The following SDHAF3 variants were observed in gnomAD, a reference collection of about 807,000 sequenced individuals.
SDHAF3 encodes the protein succinate dehydrogenase assembly factor 3, mitochondrial.
Under a neutral mutation model 11.5 loss-of-function variants are expected in SDHAF3, and 18 were observed. The observed-to-expected ratio is 1.56, with a 90% CI of 1.08 to 2.32. The LOEUF (loss-of-function observed/expected upper bound fraction) is 2.32, where lower values mean the gene tolerates loss of function less well. Ranked by LOEUF, SDHAF3 falls within the 30% of genes most tolerant of loss-of-function variation. The probability of loss-of-function intolerance (pLI) is 0.00; values close to 1 mark genes in which losing one functional copy is unlikely to be tolerated. For synonymous variants in SDHAF3, 72 were observed against 59.3 expected, an observed-to-expected ratio of 1.21 and a Z score of -0.99; for missense variants, 200 against 154.4, an observed-to-expected ratio of 1.30 and a Z score of -1.57.
chr7:97,118,282 A>C (rs1791440227), intron 1 of SDHAF3, among the ~76,000 whole-genome samples: 1 of 152,164 alleles, frequency 6.6e-6, no homozygotes, highest in African/African-American at 2.4e-5. Context: ...TAGTTTTCAA[A>C]TTTAAAGGCT....
intron 1 of SDHAF3, among the ~76,000 whole-genome samples, chr7:97,179,296 C>T (rs1031470581): frequency 5.9e-5 from 9 of 152,002 alleles, no homozygotes; most frequent in African/African-American, 2.2e-4. Flanking sequence ...ATTTAGAGCT[C>T]CTTAGTTGTC....
intron 1 of SDHAF3, among the ~76,000 whole-genome samples, chr7:97,121,862 T>G (rs533374508): frequency 1.0e-4 from 14 of 138,380 alleles, no homozygotes; most frequent in Admixed American, 2.1e-4. Flanking sequence ...TTGTTTTTTT[T>G]TTTTTTGTTT....
intron 1 of SDHAF3, among the ~76,000 whole-genome samples, chr7:97,169,906 T>G (rs182574967): frequency 4.1e-4 from 62 of 152,318 alleles, no homozygotes; most frequent in African/African-American, 1.3e-3. Flanking sequence ...TTTTGAGTTT[T>G]GTATATTAGC....
chr7:97,122,148 G>A (rs994740822), intron 1 of SDHAF3, among the ~76,000 whole-genome samples: 4 of 152,140 alleles, frequency 2.6e-5, no homozygotes, highest in South Asian at 2.1e-4. Context: ...GAGCCACCGC[G>A]CCCGGCCGAA....
rs1458030651 is a variant in SDHAF3, at chr7:97,136,306, C to G, written c.174+18409C>G. On this transcript the variant is annotated intron_variant, in intron 1 of 1. Coordinates refer to ENST00000432641, the MANE Select transcript of SDHAF3 (RefSeq NM_020186.3). ...AATTAAAAGAGTTCTTTTGTGAATCCTTTTGAAAAGTGAATTATCAACCTG... is the reference window on the plus strand; with the variant it reads ...AATTAAAAGAGTTCTTTTGTGAATCGTTTTGAAAAGTGAATTATCAACCTG... The G allele has an allele frequency of 1.6e-5, 8 of 498,336 alleles. No homozygotes were observed. In the East Asian group the frequency reaches 1.8e-4, roughly 11 times the overall value. 30.9% of individuals were successfully genotyped at this position (498,336 alleles called of 1,614,324 possible).
intron 1 of SDHAF3, among the ~76,000 whole-genome samples, chr7:97,138,534 A>G (rs1788968742): frequency 6.6e-6 from 1 of 152,148 alleles, no homozygotes; most frequent in South Asian, 2.1e-4. Flanking sequence ...ATGAGAGATT[A>G]CATTTTAAAT....
At chr7:97,132,426 T>C (rs958478281) in intron 1 of SDHAF3, among the ~76,000 whole-genome samples, 5 of 152,206 alleles carry the variant, frequency 3.3e-5, no homozygotes, top group African/African-American at 9.6e-5. Flanking sequence ...TCTATAGGGC[T>C]CTAAACTGAG....
chr7:97,144,237 C>G (rs1198574241), intron 1 of SDHAF3, among the ~76,000 whole-genome samples: 1 of 152,000 alleles, frequency 6.6e-6, no homozygotes, highest in Non-Finnish European at 1.5e-5. Context: ...GGTTATTAGA[C>G]CTTTGTCAGA....
intron 1 of SDHAF3, among the ~76,000 whole-genome samples, chr7:97,120,855 C>A (rs1206402912): frequency 6.6e-6 from 1 of 152,102 alleles, no homozygotes; most frequent in African/African-American, 2.4e-5. Flanking sequence ...GAAGAGAGTT[C>A]TCTAATTCTC....
chr7:97,121,865 T>TG (rs201711418), intron 1 of SDHAF3, among the ~76,000 whole-genome samples: 3,688 of 136,606 alleles, frequency 0.027, 145 homozygotes, highest in African/African-American at 0.1. Flanking sequence ...TTTTTTTTTT[T>TG]TTTGTTTTTG....
intron 1 of SDHAF3, among the ~76,000 whole-genome samples, chr7:97,148,794 T>C (rs2115686192): frequency 6.6e-6 from 1 of 152,342 alleles, no homozygotes; most frequent in East Asian, 1.9e-4. Context: ...CTTAGATGAT[T>C]AGTGATTTGA....
chr7:97,180,969 A>T, intron 1 of SDHAF3, 43 bp from the exon 2 acceptor site: 1 of 1,517,484 alleles, frequency 6.6e-7, no homozygotes, highest in Non-Finnish European at 8.9e-7. Context: ...GTTAAATATT[A>T]TTTAAACTTT....
intron 1 of SDHAF3, among the ~76,000 whole-genome samples, chr7:97,159,905 G>C (rs959222589): frequency 1.3e-5 from 2 of 152,184 alleles, no homozygotes; most frequent in African/African-American, 4.8e-5. Context: ...GACCATTGGT[G>C]TTCTCTACTC....
intron 1 of SDHAF3, among the ~76,000 whole-genome samples, chr7:97,120,965 G>A (rs1215276319): frequency 6.6e-6 from 1 of 152,152 alleles, no homozygotes; most frequent in African/African-American, 2.4e-5. Flanking sequence ...TGGAAGGAAA[G>A]TATTTTAAGT....
At position 97,117,750 on chromosome 7, in the gene SDHAF3, C is replaced by T; in HGVS notation, c.27C>T (p.Val9=). ...TGCCGGGGCGGCACGTTTCTCGAGTCCGGGCATTGTACAAGCGCGTCTTGC... is the reference window on the plus strand; with the variant it reads ...TGCCGGGGCGGCACGTTTCTCGAGTTCGGGCATTGTACAAGCGCGTCTTGC... The part of the protein sequence containing the change: MPGRHVSR[V]RALYKRVLQL... Residue 9 remains valine (V), a synonymous_variant, in exon 1 of 2, where the codon GTC becomes GTT. Coordinates refer to ENST00000432641, the MANE Select transcript of SDHAF3 (RefSeq NM_020186.3). 1.2e-6 allele frequency: 2 copies of T among 1,613,904 alleles called. No individual in the cohort carries two copies. Among genetic ancestry groups the T allele is most frequent in the Non-Finnish European group, 1.7e-6 (2 of 1,179,886 alleles).
At chr7:97,157,013 T>G (rs1255317776) in intron 1 of SDHAF3, among the ~76,000 whole-genome samples, 1 of 152,092 alleles carries the variant, frequency 6.6e-6, no homozygotes, top group African/African-American at 2.4e-5. Flanking sequence ...GTCCATGTAT[T>G]CTCATTGTTC....
At chr7:97,136,514 A>C in intron 1 of SDHAF3, 1 of 590,674 alleles carries the variant, frequency 1.7e-6, no homozygotes. Context: ...TTTTTTAACA[A>C]AATGCTATCA....
At chr7:97,152,248 C>T (rs143156221) in intron 1 of SDHAF3, among the ~76,000 whole-genome samples, 4 of 152,286 alleles carry the variant, frequency 2.6e-5, no homozygotes, top group Admixed American at 2.6e-4. Context: ...GAAACTGTTT[C>T]ATACACATAG....
rs527433310 is a variant in SDHAF3, at chr7:97,146,170, A to AT, written c.174+28274dup. 5.3e-5 allele frequency among the ~76,000 whole-genome samples: 8 copies of AT among 152,096 alleles called. No homozygotes were observed. The South Asian group carries it at 1.5e-3, about 28-fold the overall frequency. ...ATAATTTAGTTTAAAAAGCAAAGAG[A>AT]TAACATGACATTTTTTATTTTTGGC... is the stretch of plus-strand genomic sequence containing the variant. On this transcript the variant is annotated intron_variant, in intron 1 of 1. Coordinates refer to ENST00000432641, the MANE Select transcript of SDHAF3 (RefSeq NM_020186.3).
Sources: gnomAD v4.1 joint callset for allele counts (sites outside exome capture counted in the v4.1 genomes callset) on GRCh38, gnomAD v4.1.1 for gene constraint, MANE v1.5 for transcripts, NCBI Gene and HGNC (gene_info 2026-07-23, HGNC 2026-07-21) for gene names.